The following UCN3 variants were observed in gnomAD, a reference collection of about 807,000 sequenced individuals.
The protein encoded by UCN3 is urocortin 3.
In UCN3, 3 loss-of-function variants were observed where a neutral mutation model predicts 3.6. That is an observed-to-expected ratio of 0.83 (90% CI 0.38 to 2.15). UCN3 has a LOEUF of 2.15. Among genes scored for constraint, UCN3 ranks in the 30% most tolerant of loss-of-function variants. The pLI, the probability that UCN3 is intolerant of heterozygous loss-of-function variation, is 0.06. For missense variants in UCN3, 206 were observed against 208.3 expected (o/e 0.99, Z 0.07); for synonymous variants, 100 against 93.2 (o/e 1.07, Z -0.42).
rs1375969627 is a variant in UCN3 at position 5,370,592 on chromosome 10, TGTGTGTGTATGC to T, written c.-6-3116_-6-3105del. On this transcript the variant is annotated intron_variant, in intron 1 of 1. Transcript: ENST00000380433. ...ATATGCGTGTATATGTGTGTATATG[TGTGTGTGTATGC>T]GTGTGTATATGCGTGTATATGCGTG... Among the ~76,000 whole-genome samples, 37 of 90,904 alleles carry T rather than the reference TGTGTGTGTATGC, an allele frequency of 4.1e-4. 8 individuals are homozygous for T. Among genetic ancestry groups the T allele is most frequent in the Admixed American group, 1.2e-3 (10 of 8,038 alleles). 59.6% of individuals were successfully genotyped at this position (90,904 alleles called of 152,430 possible).
rs1234752982 is a variant in UCN3 at position 5,370,830 on chromosome 10, T to C, written c.-6-2885T>C. On this transcript the variant is annotated intron_variant, in intron 1 of 1. Coordinates refer to ENST00000380433, the MANE Select transcript of UCN3 (RefSeq NM_053049.4). The stretch of plus-strand genomic sequence containing the variant: ...GTGTGTGTGCGTGTGTGTGCGCGCG[T>C]GTGTGTGCGCGTGTGTGTGCGCGTG... 1.1e-4 allele frequency among the ~76,000 whole-genome samples: 11 copies of C among 101,340 alleles called. 3 individuals carry two copies. Among genetic ancestry groups the C allele is most frequent in the South Asian group, 5.1e-4 (1 of 1,966 alleles). The allele number at this position is 101,340 out of a possible 152,430, so 66.5% of individuals were successfully genotyped here. A position where few individuals can be genotyped will look rare whatever the true frequency, so the allele number is the denominator to read the frequency against.
In UCN3 at chr10:5,374,146, C is replaced by G; in HGVS notation, c.426C>G (p.Asn142Lys). 2 of 1,613,246 alleles carry G rather than the reference C, an allele frequency of 1.2e-6. No homozygotes were observed. The highest frequency in any genetic ancestry group is 2.2e-5 in the South Asian group (2 of 91,036). ...TCTTCAACATCGCCAAGGCCAAGAACCTGCGTGCCCAGGCGGCCGCCAATG... is the reference window on the plus strand; with the variant it reads ...TCTTCAACATCGCCAAGGCCAAGAAGCTGCGTGCCCAGGCGGCCGCCAATG... ...NLLFNIAKAKNLRAQAAANAH... is the reference protein window; with the variant it reads ...NLLFNIAKAKKLRAQAAANAH... Residue 142 changes from asparagine to lysine, a missense_variant, in exon 2 of 2, where the codon AAC (asparagine) becomes AAG (lysine). Physicochemically the swap from Asn to Lys is moderately conservative, Grantham distance 94. Coordinates refer to ENST00000380433, the MANE Select transcript of UCN3 (RefSeq NM_053049.4).
intron 1 of UCN3, among the ~76,000 whole-genome samples, chr10:5,368,760 A>G (rs1831291047): frequency 6.6e-6 from 1 of 152,224 alleles, no homozygotes; most frequent in African/African-American, 2.4e-5. Flanking sequence ...TATGAAAAAC[A>G]ACTCATTAGG....
At position 5,370,830 on chromosome 10, in the gene UCN3, TGTGTGTGCGCGTGTGTGTGCGC is replaced by T. The variant is rs1831401618; in HGVS notation, c.-6-2877_-6-2856del. Among the ~76,000 whole-genome samples the T allele has an allele frequency of 2.5e-4, 25 of 101,318 alleles. 1 individual carries two copies. The highest frequency in any genetic ancestry group is 6.2e-4 in the Admixed American group (6 of 9,636). 66.5% of individuals were successfully genotyped at this position (101,318 alleles called of 152,430 possible). ...GTGTGTGTGCGTGTGTGTGCGCGCG[TGTGTGTGCGCGTGTGTGTGCGC>T]GTGTGTGTGCGTGTGTATGTGTGTG... On this transcript the variant is annotated intron_variant, in intron 1 of 1. Coordinates refer to ENST00000380433, the MANE Select transcript of UCN3 (RefSeq NM_053049.4).
rs1554811060 is a variant in UCN3, at chr10:5,369,965, GCGTGTGTATATGCGTGTGTATA to G, written c.-6-3749_-6-3728del. Among the ~76,000 whole-genome samples the G allele has an allele frequency of 3.9e-5, 5 of 129,186 alleles. 1 individual carries two copies. Among genetic ancestry groups the G allele is most frequent in the African/African-American group, 6.7e-5 (2 of 29,780 alleles). 84.8% of individuals were successfully genotyped at this position (129,186 alleles called of 152,430 possible). On this transcript the variant is annotated intron_variant, in intron 1 of 1. Transcript: ENST00000380433. ...TGTGTGTGTATATGTGTGTGTATATGCGTGTGTATATGCGTGTGTATATGTGTGTATGTGTGTGTGTATGTGT... is the reference window on the plus strand; with the variant it reads ...TGTGTGTGTATATGTGTGTGTATATGTGTGTGTATGTGTGTGTGTATGTGT...
intron 1 of UCN3, among the ~76,000 whole-genome samples, chr10:5,372,360 G>C (rs1487290405): frequency 6.6e-6 from 1 of 152,190 alleles, no homozygotes; most frequent in Non-Finnish European, 1.5e-5. Flanking sequence ...CCCGGCGGGA[G>C]GGTGCAGGTG....
Position 5,374,501 on chromosome 10 carries a change from A to G in UCN3, c.*295A>G. On this transcript the variant is annotated 3_prime_UTR_variant, in exon 2 of 2. Coordinates refer to ENST00000380433, the MANE Select transcript of UCN3 (RefSeq NM_053049.4). Reference sequence around the variant, plus strand: ...CGTCTCCTTCCTCCCTCCCCACAGCAAGAGGCAAAGTTCATGCATTCCTCC... The same window carrying G: ...CGTCTCCTTCCTCCCTCCCCACAGCGAGAGGCAAAGTTCATGCATTCCTCC... The G allele has an allele frequency of 3.1e-6, 1 of 326,880 alleles. No individual in the cohort carries two copies. 20.2% of individuals were successfully genotyped at this position (326,880 alleles called of 1,614,324 possible).
intron 1 of UCN3, among the ~76,000 whole-genome samples, chr10:5,372,200 G>T (rs189026812): frequency 8.1e-4 from 124 of 152,320 alleles, no homozygotes; most frequent in Admixed American, 1.4e-3. Flanking sequence ...CGCAGACCAG[G>T]CAAAAAGGAC....
At chr10:5,369,862 G>GTGTGTGTGTGTGTGTGTGTCTATATGT (rs1554811024) in intron 1 of UCN3, among the ~76,000 whole-genome samples, 8 of 99,504 alleles carry the variant, frequency 8.0e-5, no homozygotes, top group Admixed American at 2.4e-4. Context: ...TATCCACGTG[G>GTGTGTGTGTGTGTGTGTGTCTATATGT]GTGTGTGTGT....
At position 5,367,870 on chromosome 10, in the gene UCN3, G is replaced by C. The variant is rs1554810819; in HGVS notation, c.-7+2640G>C. Among the ~76,000 whole-genome samples the C allele has an allele frequency of 6.6e-6, 1 of 152,194 alleles. No homozygotes were observed. ...GAGCAGGGAGGGGTTCCCTGGGCTG[G>C]GGTGCAGGGTTTGAGTGAGGAAGCA... On this transcript the variant is annotated intron_variant, in intron 1 of 1. Transcript: ENST00000380433. This position sits in a 1 kb window ranked among gnomAD's most constrained non-coding sequence, Gnocchi z 4.3.
rs1554810608 is a variant in UCN3 at position 5,365,091 on chromosome 10, A to G, written c.-146A>G. 6.6e-6 allele frequency: 1 copy of G among 152,362 alleles called. No individual in the cohort carries two copies. Among genetic ancestry groups the G allele is most frequent in the Non-Finnish European group, 1.5e-5 (1 of 68,158 alleles). The allele number at this position is 152,362 out of a possible 1,614,324, so 9.4% of individuals were successfully genotyped here. A position where few individuals can be genotyped will look rare whatever the true frequency, so the allele number is the denominator to read the frequency against. On this transcript the variant is annotated 5_prime_UTR_variant, in exon 1 of 2. Coordinates refer to ENST00000380433, the MANE Select transcript of UCN3 (RefSeq NM_053049.4). This position sits in a 1 kb window ranked among gnomAD's most constrained non-coding sequence, Gnocchi z 4.4. Reference sequence around the variant, plus strand: ...AGAGAGGGAATATCACAGCCCACTTAGGAACAATACCGGAGAAGCAGGAGC... The same window carrying G: ...AGAGAGGGAATATCACAGCCCACTTGGGAACAATACCGGAGAAGCAGGAGC...
Position 5,370,669 on chromosome 10 carries a change from GTGTGTATGTGTGTGTGTA to G in UCN3, c.-6-3040_-6-3023del, listed in dbSNP as rs1554811308. Among the ~76,000 whole-genome samples, 2 of 108,618 alleles carry G rather than the reference GTGTGTATGTGTGTGTGTA, an allele frequency of 1.8e-5. 1 individual carries two copies. The highest frequency in any genetic ancestry group is 7.3e-4 in the East Asian group (2 of 2,738). The allele number at this position is 108,618 out of a possible 152,430, so 71.3% of individuals were successfully genotyped here. Reference sequence around the variant, plus strand: ...TATGTGTGTGTATGTGTGTGTATGTGTGTGTATGTGTGTGTGTATGTGTGTATATGTGTGTGTATATGA... The same window carrying G: ...TATGTGTGTGTATGTGTGTGTATGTGTGTGTGTATATGTGTGTGTATATGA... On this transcript the variant is annotated intron_variant, in intron 1 of 1. Transcript: ENST00000380433.
rs782072252 is a variant in UCN3 at position 5,374,252 on chromosome 10, G to A, written c.*46G>A. 1.2e-5 allele frequency: 6 copies of A among 509,304 alleles called. No individual in the cohort carries two copies. The South Asian group carries it at 1.3e-4, about 11-fold the overall frequency. The allele number at this position is 509,304 out of a possible 1,614,324, so 31.5% of individuals were successfully genotyped here. Reference sequence around the variant, plus strand: ...GGCAGCGGGGTGGGGAGGGGGAGGGGAGGGGGAGGGGAGGGCGAGGGGGGG... The same window carrying A: ...GGCAGCGGGGTGGGGAGGGGGAGGGAAGGGGGAGGGGAGGGCGAGGGGGGG... On this transcript the variant is annotated 3_prime_UTR_variant, in exon 2 of 2. Coordinates refer to ENST00000380433, the MANE Select transcript of UCN3 (RefSeq NM_053049.4).
rs1588397798 is a variant in UCN3 at position 5,366,943 on chromosome 10, A to G, written c.-7+1713A>G. On this transcript the variant is annotated intron_variant, in intron 1 of 1. Transcript: ENST00000380433. The surrounding 1 kb of genome is among the most constrained non-coding windows in gnomAD (Gnocchi z 4.2). Reference sequence around the variant, plus strand: ...CTGACACTTTCACAGATTTTTCCACACCTTCAGCACCCTAGCCGTGATTAC... The same window carrying G: ...CTGACACTTTCACAGATTTTTCCACGCCTTCAGCACCCTAGCCGTGATTAC... 6.6e-6 allele frequency among the ~76,000 whole-genome samples: 1 copy of G among 152,134 alleles called. No homozygotes were observed.
rs1831473857 is a variant in UCN3 at position 5,374,261 on chromosome 10, G to A, written c.*55G>A. On this transcript the variant is annotated 3_prime_UTR_variant, in exon 2 of 2. Coordinates refer to ENST00000380433, the MANE Select transcript of UCN3 (RefSeq NM_053049.4). ...GTGGGGAGGGGGAGGGGAGGGGGAG[G>A]GGAGGGCGAGGGGGGGAGGGGAGGG... 2.3e-6 allele frequency: 1 copy of A among 436,114 alleles called. No homozygotes were observed. Among genetic ancestry groups the A allele is most frequent in the South Asian group, 2.2e-5 (1 of 45,484 alleles). The allele number at this position is 436,114 out of a possible 1,614,324, so 27.0% of individuals were successfully genotyped here.
intron 1 of UCN3, among the ~76,000 whole-genome samples, chr10:5,372,532 T>A (rs1021729984): frequency 6.6e-6 from 1 of 152,176 alleles, no homozygotes; most frequent in African/African-American, 2.4e-5. Flanking sequence ...CAACAGTCCA[T>A]ATGCTAATGC....
chr10:5,371,175 A>G lies in UCN3; in HGVS notation c.-6-2540A>G, dbSNP rs1008535800. ...TGTATATGTGTGTGCATGTGTATGT[A>G]TGTGCATATGTGTACGTGTGAGGTG... is the stretch of plus-strand genomic sequence containing the variant. On this transcript the variant is annotated intron_variant, in intron 1 of 1. Coordinates refer to ENST00000380433, the MANE Select transcript of UCN3 (RefSeq NM_053049.4). Among the ~76,000 whole-genome samples the G allele has an allele frequency of 4.9e-5, 7 of 144,216 alleles. No individual in the cohort carries two copies. In the Admixed American group the frequency reaches 4.9e-4, roughly 10 times the overall value. The allele number at this position is 144,216 out of a possible 152,430, so 94.6% of individuals were successfully genotyped here.
chr10:5,373,612 T>G (rs1219251629), intron 1 of UCN3, 103 bp from the exon 2 acceptor site: 17 of 1,508,562 alleles, frequency 1.1e-5, no homozygotes, highest in Non-Finnish European at 1.5e-5. Flanking sequence ...TGGAGAACCC[T>G]TGTAGTGGAA....
Position 5,370,388 on chromosome 10 carries a change from C to CGTGTGTATGT in UCN3, c.-6-3319_-6-3318insGTGTGTGTAT, listed in dbSNP as rs1564442876. On this transcript the variant is annotated intron_variant, in intron 1 of 1. Transcript: ENST00000380433. ...ATGCGTGTGTATATGCGTGTATATG[C>CGTGTGTATGT]GTGTGTATATGTGTGTGTATATGTG... Among the ~76,000 whole-genome samples the CGTGTGTATGT allele has an allele frequency of 3.8e-3, 107 of 27,970 alleles. 25 individuals carry two copies. Among genetic ancestry groups the CGTGTGTATGT allele is most frequent in the African/African-American group, 0.022 (93 of 4,282 alleles). 18.3% of individuals were successfully genotyped at this position (27,970 alleles called of 152,430 possible).
Sources: allele counts gnomAD v4.1 joint callset (sites outside exome capture counted in the v4.1 genomes callset), GRCh38; gene constraint gnomAD v4.1.1; non-coding constraint Gnocchi (gnomAD v3.1); transcripts MANE v1.5; gene names NCBI Gene and HGNC (gene_info 2026-07-23, HGNC 2026-07-21).